The following UNC5A variants were observed in gnomAD, a reference collection of about 807,000 sequenced individuals.
UNC5A encodes netrin receptor UNC5A.
In UNC5A, 20 loss-of-function variants were observed where a neutral mutation model predicts 87.4. The ratio of observed to expected loss-of-function variants is 0.23; its 90% CI spans 0.16 to 0.33. UNC5A has a LOEUF of 0.33. Ranked by LOEUF, UNC5A falls within the 10% of genes least tolerant of loss-of-function variation. The probability of loss-of-function intolerance (pLI) is 1.00; values close to 1 mark genes in which losing one functional copy is unlikely to be tolerated. For synonymous variants in UNC5A, 438 were observed against 482.3 expected, an observed-to-expected ratio of 0.91 and a Z score of 1.20; for missense variants, 844 against 1,133.4, an observed-to-expected ratio of 0.74 and a Z score of 3.67.
At chr5:176,864,772 T>A in intron 2 of UNC5A, 1 of 454,056 alleles carries the variant, frequency 2.2e-6, no homozygotes, top group Non-Finnish European at 4.4e-6. Context: ...GTACTAGGAG[T>A]TATGCTCTCA....
intron 1 of UNC5A, among the ~76,000 whole-genome samples, chr5:176,825,588 T>C (rs1390908786): frequency 1.3e-5 from 2 of 151,964 alleles, no homozygotes; most frequent in African/African-American, 4.8e-5. Context: ...AGGGAGAAAC[T>C]TGGGAAAGGG....
chr5:176,829,740 CCCTGAATCAGT>C (rs1756954315), intron 1 of UNC5A, among the ~76,000 whole-genome samples: 2 of 152,102 alleles, frequency 1.3e-5, no homozygotes, highest in Non-Finnish European at 2.9e-5. Context: ...ATCCTATCAT[CCCTGAATCAGT>C]CCCTCAAGTC....
Position 176,880,150 on chromosome 5 carries a change from G to C in UNC5A, c.*264G>C, listed in dbSNP as rs1246354515. Reference sequence around the variant, plus strand: ...GTGCCTGGAGCCTGGGCCAGGCCCAGCCCATCTGTGTGTGTGTATGTGCGT... The same window carrying C: ...GTGCCTGGAGCCTGGGCCAGGCCCACCCCATCTGTGTGTGTGTATGTGCGT... On this transcript the variant is annotated 3_prime_UTR_variant, in exon 15 of 15. Coordinates refer to ENST00000329542, the MANE Select transcript of UNC5A (RefSeq NM_133369.3). 2.0e-6 allele frequency: 1 copy of C among 490,686 alleles called. No homozygotes were observed. The highest frequency in any genetic ancestry group is 1.9e-5 in the African/African-American group (1 of 51,416). The allele number at this position is 490,686 out of a possible 1,614,324, so 30.4% of individuals were successfully genotyped here. A position where few individuals can be genotyped will look rare whatever the true frequency, so the allele number is the denominator to read the frequency against.
rs1236544477 is a variant in UNC5A at position 176,824,444 on chromosome 5, C to A, written c.70+13624C>A. ...TTCTGTGTCCTGCACCTGAAAGGGG[C>A]CTGACCGAGGATCTTAGGAGAAAGA... On this transcript the variant is annotated intron_variant, in intron 1 of 14. Transcript: ENST00000329542. This position sits in a 1 kb window ranked among gnomAD's most constrained non-coding sequence, Gnocchi z 4.2. 2.6e-5 allele frequency among the ~76,000 whole-genome samples: 4 copies of A among 152,042 alleles called. 1 individual carries two copies. Among genetic ancestry groups the A allele is most frequent in the Admixed American group, 6.5e-5 (1 of 15,270 alleles).
rs1757197248 is a variant in UNC5A, at chr5:176,838,575, G to A, written c.71-24049G>A. On this transcript the variant is annotated intron_variant, in intron 1 of 14. Coordinates refer to ENST00000329542, the MANE Select transcript of UNC5A (RefSeq NM_133369.3). This position sits in a 1 kb window ranked among gnomAD's most constrained non-coding sequence, Gnocchi z 4.2. ...CAGCTGACTTCAGGCAAAGCCTGATGCGCTGGCTCAGACAACAGCACTCTG... is the reference window on the plus strand; with the variant it reads ...CAGCTGACTTCAGGCAAAGCCTGATACGCTGGCTCAGACAACAGCACTCTG... 2.0e-5 allele frequency among the ~76,000 whole-genome samples: 3 copies of A among 152,282 alleles called. No individual in the cohort carries two copies. Among genetic ancestry groups the A allele is most frequent in the Admixed American group, 2.0e-4 (3 of 15,292 alleles).
At position 176,869,466 on chromosome 5, in the gene UNC5A, A is replaced by G. The variant is rs1758057461; in HGVS notation, c.721+502A>G. ...GGCCCGGGGGCCAGCAGGCACGAGC[A>G]TGGCCTCCCCCAGGCCTTCTCTCCC... On this transcript the variant is annotated intron_variant, in intron 5 of 14. Coordinates refer to ENST00000329542, the MANE Select transcript of UNC5A (RefSeq NM_133369.3). This position sits in a 1 kb window ranked among gnomAD's most constrained non-coding sequence, Gnocchi z 9.1. The G allele has an allele frequency of 5.2e-6, 3 of 582,366 alleles. No homozygotes were observed. Among genetic ancestry groups the G allele is most frequent in the East Asian group, 5.9e-5 (2 of 34,136 alleles). The allele number at this position is 582,366 out of a possible 1,614,324, so 36.1% of individuals were successfully genotyped here. A position where few individuals can be genotyped will look rare whatever the true frequency, so the allele number is the denominator to read the frequency against.
At position 176,843,497 on chromosome 5, in the gene UNC5A, A is replaced by G. The variant is rs529398348; in HGVS notation, c.71-19127A>G. On this transcript the variant is annotated intron_variant, in intron 1 of 14. Transcript: ENST00000329542. ...GGCGGGAACTTTAGGGGGTGAAGCT[A>G]TTCTGTGTCTTGATGCTGGTGGTGG... Among the ~76,000 whole-genome samples, 6 of 152,328 alleles carry G rather than the reference A, an allele frequency of 3.9e-5. No individual in the cohort carries two copies. In the South Asian group the frequency reaches 1.0e-3, roughly 26 times the overall value.
chr5:176,852,165 G>A (rs1205798808), intron 1 of UNC5A, among the ~76,000 whole-genome samples: 2 of 152,316 alleles, frequency 1.3e-5, no homozygotes, highest in East Asian at 3.9e-4. Context: ...CTCAGAGCCT[G>A]CCTACCGCCC....
At position 176,848,536 on chromosome 5, in the gene UNC5A, T is replaced by C. The variant is rs535533370; in HGVS notation, c.71-14088T>C. 6.6e-6 allele frequency among the ~76,000 whole-genome samples: 1 copy of C among 152,254 alleles called. No homozygotes were observed. The highest frequency in any genetic ancestry group is 2.4e-5 in the African/African-American group (1 of 41,534). On this transcript the variant is annotated intron_variant, in intron 1 of 14. Transcript: ENST00000329542. This position sits in a 1 kb window ranked among gnomAD's most constrained non-coding sequence, Gnocchi z 5.8. ...AGCTGGTAATTATTTGGACAGTGGGTAATTAAAACGGGGTGAGGGCTCATT... is the reference window on the plus strand; with the variant it reads ...AGCTGGTAATTATTTGGACAGTGGGCAATTAAAACGGGGTGAGGGCTCATT...
intron 2 of UNC5A, among the ~76,000 whole-genome samples, chr5:176,867,667 G>T (rs1224540418): frequency 6.6e-6 from 1 of 152,162 alleles, no homozygotes; most frequent in African/African-American, 2.4e-5. Flanking sequence ...ATCACGTCAG[G>T]ATCTATCTGC....
rs1445910559 is a variant in UNC5A at position 176,880,085 on chromosome 5, C to G, written c.*199C>G. 4.6e-5 allele frequency: 31 copies of G among 675,782 alleles called. No individual in the cohort carries two copies. Among genetic ancestry groups the G allele is most frequent in the Middle Eastern group, 8.6e-4 (2 of 2,316 alleles). 41.9% of individuals were successfully genotyped at this position (675,782 alleles called of 1,614,324 possible). On this transcript the variant is annotated 3_prime_UTR_variant, in exon 15 of 15. Coordinates refer to ENST00000329542, the MANE Select transcript of UNC5A (RefSeq NM_133369.3). ...TCCATGGCCTGCCTAGCCAGGCTGG[C>G]ACTGCCACTCACACTCGGCCCCAGG...
At chr5:176,860,213 G>A (rs1213963127) in intron 1 of UNC5A, among the ~76,000 whole-genome samples, 1 of 152,218 alleles carries the variant, frequency 6.6e-6, no homozygotes, top group Non-Finnish European at 1.5e-5. Flanking sequence ...CCACTGGGGG[G>A]GCTTGGTGAC....
chr5:176,879,636 G>A lies in UNC5A; in HGVS notation c.2364-85G>A, dbSNP rs2149371641. ...AGTCATTGTGTTTGGCTTCGGGGAGGCCCTGCCCTGGGGTGGGCCAGGGGG... is the reference window on the plus strand; with the variant it reads ...AGTCATTGTGTTTGGCTTCGGGGAGACCCTGCCCTGGGGTGGGCCAGGGGG... On this transcript the variant is annotated intron_variant, in intron 14 of 14. Coordinates refer to ENST00000329542, the MANE Select transcript of UNC5A (RefSeq NM_133369.3). The A allele has an allele frequency of 3.2e-6, 5 of 1,567,282 alleles. No individual in the cohort carries two copies. The South Asian group carries it at 3.6e-5, about 11-fold the overall frequency.
At chr5:176,847,061 C>A (rs964320822) in intron 1 of UNC5A, among the ~76,000 whole-genome samples, 1 of 152,148 alleles carries the variant, frequency 6.6e-6, no homozygotes, top group Non-Finnish European at 1.5e-5. Context: ...CCATCCCCCT[C>A]TCATTCCATT....
chr5:176,858,940 G>A (rs963005622), intron 1 of UNC5A, among the ~76,000 whole-genome samples: 1 of 152,192 alleles, frequency 6.6e-6, no homozygotes, highest in Non-Finnish European at 1.5e-5. Context: ...CAGATCTCAG[G>A]TACTGATGGC....
chr5:176,845,612 C>A (rs1406762252), intron 1 of UNC5A, among the ~76,000 whole-genome samples: 1 of 152,242 alleles, frequency 6.6e-6, no homozygotes, highest in Non-Finnish European at 1.5e-5. Flanking sequence ...ATTCTGAAAT[C>A]TGTACTGCGG....
chr5:176,863,326 G>A (rs977610007), intron 2 of UNC5A, among the ~76,000 whole-genome samples: 4 of 152,240 alleles, frequency 2.6e-5, no homozygotes, highest in Admixed American at 6.5e-5. Context: ...GCAGACGCCG[G>A]CATGCCGGTG....
At chr5:176,828,999 C>T (rs1257442072) in intron 1 of UNC5A, among the ~76,000 whole-genome samples, 5 of 151,990 alleles carry the variant, frequency 3.3e-5, no homozygotes, top group South Asian at 2.1e-4. Context: ...TGTGGTGGTG[C>T]GCCTGTAATT....
rs756569678 is a variant in UNC5A, at chr5:176,868,771, C to T, written c.541-13C>T. 1.4e-5 allele frequency: 23 copies of T among 1,590,804 alleles called. No individual in the cohort carries two copies. The highest frequency in any genetic ancestry group is 1.7e-4 in the Middle Eastern group (1 of 6,008). ...CATGGGCTGGCAGTACATGGCAGGGCTCCCTCCCCTAGGTGGAGTGGCTCC... is the reference window on the plus strand; with the variant it reads ...CATGGGCTGGCAGTACATGGCAGGGTTCCCTCCCCTAGGTGGAGTGGCTCC... On this transcript the variant is annotated splice_polypyrimidine_tract_variant and intron_variant, in intron 4 of 14. Transcript: ENST00000329542.
Sources: allele counts gnomAD v4.1 joint callset (sites outside exome capture counted in the v4.1 genomes callset), GRCh38; gene constraint gnomAD v4.1.1; non-coding constraint Gnocchi (gnomAD v3.1); transcripts MANE v1.5; gene names NCBI Gene and HGNC (gene_info 2026-07-23, HGNC 2026-07-21).